The following DEFB128 variants were observed in gnomAD, a reference collection of about 807,000 sequenced individuals.
DEFB128 encodes the protein beta-defensin 128.
Under a neutral mutation model 2.4 loss-of-function variants are expected in DEFB128, and 1 was observed. The ratio of observed to expected loss-of-function variants is 0.41; its 90% CI spans 0.15 to 1.96. The LOEUF (loss-of-function observed/expected upper bound fraction) is 1.96. Ranked by LOEUF, DEFB128 falls within the 30% of genes most tolerant of loss-of-function variation. The pLI is 0.30. For missense variants in DEFB128, 129 were observed against 104.9 expected, an observed-to-expected ratio of 1.23 and a Z score of -1.00; for synonymous variants, 59 against 39.1, an observed-to-expected ratio of 1.51 and a Z score of -1.89.
chr20:187,995 T>C lies in DEFB128; in HGVS notation c.173A>G (p.Glu58Gly). 1.2e-6 allele frequency: 2 copies of C among 1,614,124 alleles called. No homozygotes were observed. The highest frequency in any genetic ancestry group is 1.1e-5 in the South Asian group (1 of 91,084). The change falls in exon 2 of 2, where the codon GAA becomes GGA. Residue 58 changes from glutamate to glycine, a missense_variant. Transcript: ENST00000334391. Reference protein sequence around the residue: ...SGKLCCANDEEEKKHVSFKKP... With the variant: ...SGKLCCANDEGEKKHVSFKKP... ...CTTAAATGACACATGTTTTTTCTCT[T>C]CTTCATCATTAGCACAACATAATTT...
rs1168157286 is a variant in DEFB128 at position 188,014 on chromosome 20, A to T, written c.154T>A (p.Cys52Ser). The change falls in exon 2 of 2, where the codon TGT becomes AGT. Residue 52 changes from cysteine to serine, a missense_variant. Coordinates refer to ENST00000334391, the MANE Select transcript of DEFB128 (RefSeq NM_001037732.3). Reference protein sequence around the residue: ...YEIGCLSGKLCCANDEEEKKH... With the variant: ...YEIGCLSGKLSCANDEEEKKH... ...TTCTCTTCTTCATCATTAGCACAAC[A>T]TAATTTCCCACTTAGACATCCTATT... The T allele has an allele frequency of 6.2e-7, 1 of 1,614,094 alleles. No homozygotes were observed. Among genetic ancestry groups the T allele is most frequent in the Admixed American group, 1.7e-5 (1 of 60,028 alleles).
chr20:188,619 C>T (rs943009731), intron 1 of DEFB128, among the ~76,000 whole-genome samples: 3 of 152,204 alleles, frequency 2.0e-5, no homozygotes, highest in African/African-American at 7.2e-5. Context: ...ATATGGGCAA[C>T]AGAAATCTCC....
intron 1 of DEFB128, 56 bp downstream of exon 1, chr20:189,519 C>T: frequency 1.3e-6 from 2 of 1,559,334 alleles, no homozygotes; most frequent in African/African-American, 1.4e-5. Flanking sequence ...GTCCTGTTCC[C>T]ACTCTTACAA....
At position 188,108 on chromosome 20, in the gene DEFB128, T is replaced by C. The variant is rs146241398; in HGVS notation, c.60A>G (p.Arg20=). The stretch of plus-strand genomic sequence containing the variant: ...TTACTTTATTGAAGCATTTTTTGAG[T>C]CTTGCCCCGTCTGTGCATAGGAAAC... ...LLFEVLTDGA[R]LKKCFNKVTG... Residue 20 remains arginine, a synonymous_variant, in exon 2 of 2, where the codon AGA becomes AGG. Transcript: ENST00000334391. 42 of 1,613,842 alleles carry C rather than the reference T, an allele frequency of 2.6e-5. No individual in the cohort carries two copies. In the African/African-American group the frequency reaches 4.4e-4, roughly 17 times the overall value.
At chr20:188,712 A>G (rs867153989) in intron 1 of DEFB128, among the ~76,000 whole-genome samples, 3 of 152,326 alleles carry the variant, frequency 2.0e-5, no homozygotes, top group Middle Eastern at 3.4e-3. Context: ...TCTGTCACTC[A>G]TCACACTCCC....
Position 188,027 on chromosome 20 carries a change from T to G in DEFB128, c.141A>C (p.Leu47=). 1.2e-6 allele frequency: 2 copies of G among 1,614,108 alleles called. No individual in the cohort carries two copies. The highest frequency in any genetic ancestry group is 1.7e-6 in the Non-Finnish European group (2 of 1,179,954). Residue 47 remains leucine, a synonymous_variant, in exon 2 of 2, where the codon CTA becomes CTC. Transcript: ENST00000334391. ...CATTAGCACAACATAATTTCCCACT[T>G]AGACATCCTATTTCATATCTTTCTC... The part of the protein sequence containing the change: ...KVGERYEIGC[L]SGKLCCANDE...
rs779001136 is a variant in DEFB128, at chr20:187,864, G to C, written c.*22C>G. On this transcript the variant is annotated 3_prime_UTR_variant, in exon 2 of 2. Coordinates refer to ENST00000334391, the MANE Select transcript of DEFB128 (RefSeq NM_001037732.3). ...TTATTTAGGAAGAGTGGAGACCAGC[G>C]AGACAAGGGCTAGATTTAGGATTAG... 2.5e-6 allele frequency: 4 copies of C among 1,612,044 alleles called. No homozygotes were observed. In the East Asian group the frequency reaches 8.9e-5, roughly 36 times the overall value.
rs2011112638 is a variant in DEFB128, at chr20:188,011, AACATAATT to A, written c.149_156del (p.Lys50MetfsTer3). On this transcript the variant is annotated frameshift_variant, in exon 2 of 2. Transcript: ENST00000334391. LOFTEE classifies it low-confidence loss of function (END_TRUNC). ...TTTTTCTCTTCTTCATCATTAGCAC[AACATAATT>A]TCCCACTTAGACATCCTATTTCATA... 2.5e-6 allele frequency: 4 copies of A among 1,613,990 alleles called. No homozygotes were observed. In the East Asian group the frequency reaches 8.9e-5, roughly 36 times the overall value.
chr20:189,486 G>A (rs2011119163), intron 1 of DEFB128, 89 bp downstream of exon 1: 4 of 1,469,116 alleles, frequency 2.7e-6, no homozygotes, highest in East Asian at 2.3e-5. Context: ...TATGATTTTG[G>A]CCAAATATAA....
chr20:188,365 A>T (rs1423346008), intron 1 of DEFB128, among the ~76,000 whole-genome samples: 1 of 152,040 alleles, frequency 6.6e-6, no homozygotes, highest in Non-Finnish European at 1.5e-5. Context: ...AGAAGAGAGA[A>T]CTCAATTCCT....
At chr20:189,477 A>T in intron 1 of DEFB128, 98 bp downstream of exon 1, 1 of 1,393,584 alleles carries the variant, frequency 7.2e-7, no homozygotes, top group South Asian at 1.2e-5. Flanking sequence ...GTACTTTTTT[A>T]TGATTTTGGC....
chr20:189,494 T>G, intron 1 of DEFB128, 81 bp downstream of exon 1: 1 of 1,506,570 alleles, frequency 6.6e-7, no homozygotes, highest in East Asian at 2.3e-5. Flanking sequence ...TGGCCAAATA[T>G]AAATAATCTT....
intron 1 of DEFB128, among the ~76,000 whole-genome samples, chr20:188,619 C>G (rs943009731): frequency 2.0e-5 from 3 of 152,202 alleles, no homozygotes; most frequent in Non-Finnish European, 4.4e-5. Context: ...ATATGGGCAA[C>G]AGAAATCTCC....
rs771781951 is a variant in DEFB128 at position 188,133 on chromosome 20, C to T, written c.50-15G>A. 3.1e-6 allele frequency: 5 copies of T among 1,611,086 alleles called. No individual in the cohort carries two copies. The highest frequency in any genetic ancestry group is 4.2e-6 in the Non-Finnish European group (5 of 1,177,982). The stretch of plus-strand genomic sequence containing the variant: ...TCTTGCCCCGTCTGTGCATAGGAAA[C>T]AACATTGAACCAAGGTTAGTGCGTA... On this transcript the variant is annotated splice_polypyrimidine_tract_variant and intron_variant, in intron 1 of 1. Transcript: ENST00000334391.
chr20:188,082 G>T lies in DEFB128; in HGVS notation c.86C>A (p.Thr29Lys), dbSNP rs374917383. ...CTTGCATTTCTTCCTGCAATAGCCT[G>T]TTACTTTATTGAAGCATTTTTTGAG... Reference protein sequence around the residue: ...ARLKKCFNKVTGYCRKKCKVG... With the variant: ...ARLKKCFNKVKGYCRKKCKVG... The change falls in exon 2 of 2, where the codon ACA (threonine) becomes AAA (lysine). Residue 29 changes from threonine to lysine, a missense_variant. Coordinates refer to ENST00000334391, the MANE Select transcript of DEFB128 (RefSeq NM_001037732.3). 1.7e-5 allele frequency: 27 copies of T among 1,613,866 alleles called. No homozygotes were observed. The highest frequency in any genetic ancestry group is 1.9e-5 in the Non-Finnish European group (23 of 1,179,954).
At chr20:188,289 C>T (rs2011114340) in intron 1 of DEFB128, among the ~76,000 whole-genome samples, 171 bp from the exon 2 acceptor site, 1 of 152,196 alleles carries the variant, frequency 6.6e-6, no homozygotes, top group Non-Finnish European at 1.5e-5. Context: ...TAAGGACATT[C>T]AAAAGCCCAG....
intron 1 of DEFB128, among the ~76,000 whole-genome samples, chr20:188,946 C>T (rs1293593255): frequency 6.6e-6 from 1 of 152,146 alleles, no homozygotes; most frequent in Non-Finnish European, 1.5e-5. Flanking sequence ...CAGGGAACAT[C>T]TTTGAGGGTT....
rs1376209199 is a variant in DEFB128 at position 189,612 on chromosome 20, A to G, written c.12T>C (p.Phe4=). 2 of 1,613,826 alleles carry G rather than the reference A, an allele frequency of 1.2e-6. No individual in the cohort carries two copies. The highest frequency in any genetic ancestry group is 2.7e-5 in the African/African-American group (2 of 74,916). ...CAAACAGCAGAATAATGAGAACCAG[A>G]AACAGCTTCATATTTACAGACTTCC... MKL[F]LVLIILLFEV... The change falls in exon 1 of 2, where the codon TTT becomes TTC. Residue 4 remains phenylalanine, a synonymous_variant. Transcript: ENST00000334391.
chr20:189,451 G>A (rs574153605), intron 1 of DEFB128, 124 bp downstream of exon 1: 6 of 1,096,052 alleles, frequency 5.5e-6, no homozygotes, highest in Admixed American at 4.1e-5. Flanking sequence ...CTCAAGTCAG[G>A]CAACCAGGAG....
Sources: allele counts gnomAD v4.1 joint callset (sites outside exome capture counted in the v4.1 genomes callset), GRCh38; gene constraint gnomAD v4.1.1; transcripts MANE v1.5; gene names NCBI Gene and HGNC (gene_info 2026-07-23, HGNC 2026-07-21).